HOXC4: variants seen among roughly 807,000 people sequenced by gnomAD.
The protein encoded by HOXC4 is homeobox protein Hox-C4.
In HOXC4, 15 loss-of-function variants were observed where a neutral mutation model predicts 25.5. The ratio of observed to expected loss-of-function variants is 0.59; its 90% CI spans 0.39 to 0.91. The LOEUF (loss-of-function observed/expected upper bound fraction) is 0.91, where lower values mean the gene tolerates loss of function less well. Among genes scored for constraint, HOXC4 ranks in the 40% least tolerant of loss-of-function variants. The pLI is 0.00. For synonymous variants in HOXC4, 165 were observed against 148.0 expected, an observed-to-expected ratio of 1.11 and a Z score of -0.83; for missense variants, 342 against 352.4, an observed-to-expected ratio of 0.97 and a Z score of 0.24.
chr12:54,023,698 A>G (rs957755554), intron 1 of HOXC4, among the ~76,000 whole-genome samples: 5 of 152,162 alleles, frequency 3.3e-5, no homozygotes, highest in African/African-American at 4.8e-5. Flanking sequence ...CCCAAATGAT[A>G]TCCATTTCTG....
intron 1 of HOXC4, chr12:54,035,100 C>A (rs559909411): frequency 6.5e-6 from 1 of 154,166 alleles, no homozygotes; most frequent in Non-Finnish European, 1.4e-5. Flanking sequence ...CTCTTCCCCC[C>A]AAAACCCGGG....
Position 54,054,180 on chromosome 12 carries a change from G to A in HOXC4, c.258G>A (p.Ala86=). ...GNSRGHGPAQ[A]GHHHPEKSQS... is the part of the protein sequence containing the mutation. Reference sequence around the variant, plus strand: ...CGCGAGGCCACGGGCCGGCCCAGGCGGGCCACCACCACCCCGAGAAATCAC... The same window carrying A: ...CGCGAGGCCACGGGCCGGCCCAGGCAGGCCACCACCACCCCGAGAAATCAC... The change falls in exon 1 of 2, where the codon GCG becomes GCA. Residue 86 remains alanine (A), a synonymous_variant. Transcript: ENST00000430889. 4.3e-6 allele frequency: 7 copies of A among 1,613,470 alleles called. No individual in the cohort carries two copies. Among genetic ancestry groups the A allele is most frequent in the Non-Finnish European group, 5.1e-6 (6 of 1,179,734 alleles).
chr12:54,024,645 C>T (rs1565738246), intron 1 of HOXC4, among the ~76,000 whole-genome samples: 1 of 152,184 alleles, frequency 6.6e-6, no homozygotes, highest in Non-Finnish European at 1.5e-5. Context: ...CCACGAACTT[C>T]TTCAGGCTGG....
At chr12:54,025,017 C>G (rs1377052871) in intron 1 of HOXC4, among the ~76,000 whole-genome samples, 1 of 152,158 alleles carries the variant, frequency 6.6e-6, no homozygotes, top group Non-Finnish European at 1.5e-5. Context: ...AAAATCTGCT[C>G]TTGACACCAA....
At chr12:54,033,686 T>C (rs1941081591) in intron 1 of HOXC4, 3 of 944,994 alleles carry the variant, frequency 3.2e-6, no homozygotes, top group Non-Finnish European at 4.6e-6. Flanking sequence ...GATCCAGGCA[T>C]CAATGGCTCG....
At chr12:54,018,136 G>T (rs556721790) in intron 1 of HOXC4, among the ~76,000 whole-genome samples, 82 of 152,010 alleles carry the variant, frequency 5.4e-4, no homozygotes, top group Admixed American at 1.0e-3. Context: ...GGTGCCCTGC[G>T]TTGGGTGGAG....
upstream of HOXC4, among the ~76,000 whole-genome samples, chr12:54,050,204 A>T (rs1937813060): frequency 6.6e-6 from 1 of 152,212 alleles, no homozygotes; most frequent in East Asian, 1.9e-4. Context: ...TCCAACGGTC[A>T]GTATGGTAAT....
upstream of HOXC4, among the ~76,000 whole-genome samples, chr12:54,050,499 G>C (rs565900927): frequency 2.0e-5 from 3 of 152,328 alleles, no homozygotes; most frequent in Admixed American, 2.0e-4. Context: ...CACAAAAGAA[G>C]ACAGGACCAG....
rs1937974743 is a variant in HOXC4, at chr12:54,056,006, A to T, written c.*801A>T. ...GTGAAATGCCCCGTGATCAATAATA[A>T]ACCAGTGGATGTGAATTAGTTTTAC... is the stretch of plus-strand genomic sequence containing the variant. On this transcript the variant is annotated 3_prime_UTR_variant, in exon 2 of 2. Transcript: ENST00000430889. 1 of 152,678 alleles carries T rather than the reference A, an allele frequency of 6.5e-6. No individual in the cohort carries two copies. The highest frequency in any genetic ancestry group is 1.5e-5 in the Non-Finnish European group (1 of 68,040). The allele number at this position is 152,678 out of a possible 1,614,324, so 9.5% of individuals were successfully genotyped here.
At chr12:54,037,167 C>T (rs960378405) in intron 1 of HOXC4, among the ~76,000 whole-genome samples, 7 of 152,332 alleles carry the variant, frequency 4.6e-5, no homozygotes, top group South Asian at 4.1e-4. Context: ...CGGGAGTCAG[C>T]GGCGGCAACC....
upstream of HOXC4, among the ~76,000 whole-genome samples, chr12:54,049,037 C>G (rs138296005): frequency 6.6e-6 from 1 of 152,166 alleles, no homozygotes. Context: ...ACACCCCAAA[C>G]CAAATTTTAA....
chr12:54,040,614 G>A (rs748288974), intron 1 of HOXC4, among the ~76,000 whole-genome samples: 1 of 152,222 alleles, frequency 6.6e-6, no homozygotes, highest in South Asian at 2.1e-4. Context: ...ACGTTCGCCA[G>A]CGTGATTCTA....
At chr12:54,024,474 G>A (rs2136427072) in intron 1 of HOXC4, among the ~76,000 whole-genome samples, 1 of 152,320 alleles carries the variant, frequency 6.6e-6, no homozygotes, top group East Asian at 1.9e-4. Flanking sequence ...TGGGGAGAGA[G>A]AGGAGACAGG....
intron 1 of HOXC4, among the ~76,000 whole-genome samples, chr12:54,017,852 A>C (rs1354609866): frequency 6.6e-6 from 1 of 152,088 alleles, no homozygotes; most frequent in Non-Finnish European, 1.5e-5. Context: ...CCCTAAGCAA[A>C]GTTAGCCCCC....
chr12:54,027,450 A>G (rs1205940122), intron 1 of HOXC4, among the ~76,000 whole-genome samples: 1 of 152,176 alleles, frequency 6.6e-6, no homozygotes, highest in Non-Finnish European at 1.5e-5. Context: ...TTCTGGCTGG[A>G]TCCTATGTGA....
upstream of HOXC4, among the ~76,000 whole-genome samples, chr12:54,049,848 C>T (rs753056591): frequency 6.7e-6 from 1 of 150,198 alleles, no homozygotes; most frequent in Non-Finnish European, 1.5e-5. Context: ...TTTCAAGTTG[C>T]CCAAAGGAAA....
chr12:54,032,622 A>G (rs567135680), intron 1 of HOXC4, among the ~76,000 whole-genome samples: 1 of 152,264 alleles, frequency 6.6e-6, no homozygotes, highest in South Asian at 2.1e-4. Context: ...TCCCAATTTT[A>G]AATAGAATTT....
chr12:54,023,629 C>A (rs1373229705), intron 1 of HOXC4, among the ~76,000 whole-genome samples: 1 of 152,200 alleles, frequency 6.6e-6, no homozygotes, highest in Non-Finnish European at 1.5e-5. Context: ...CCCCTCCCTG[C>A]TGATCCCCAG....
intron 1 of HOXC4, among the ~76,000 whole-genome samples, chr12:54,032,365 C>A (rs757490959): frequency 1.6e-4 from 24 of 152,272 alleles, no homozygotes; most frequent in Non-Finnish European, 3.2e-4. Context: ...ATTCTACTTT[C>A]TCTTGCTGAT....
Sources: allele counts gnomAD v4.1 joint callset (sites outside exome capture counted in the v4.1 genomes callset), GRCh38; gene constraint gnomAD v4.1.1; transcripts MANE v1.5; gene names NCBI Gene and HGNC (gene_info 2026-07-23, HGNC 2026-07-21).